The following SLC35D1 variants were observed in gnomAD, a reference collection of about 807,000 sequenced individuals.
SLC35D1 encodes solute carrier family 35 member D1.
In SLC35D1, 31 loss-of-function variants were observed where a neutral mutation model predicts 46.7. The observed-to-expected ratio is 0.66, with a 90% CI of 0.50 to 0.90. SLC35D1 has a LOEUF of 0.90. SLC35D1 is among the 40% of genes least tolerant of loss of function. The pLI, the probability that SLC35D1 is intolerant of heterozygous loss-of-function variation, is 0.00. For synonymous variants in SLC35D1, 195 were observed against 164.6 expected (o/e 1.18, Z -1.41); for missense variants, 397 against 426.2 (o/e 0.93, Z 0.60).
chr1:67,004,324 T>G lies in SLC35D1; in HGVS notation c.*16A>C. The G allele has an allele frequency of 6.2e-7, 1 of 1,606,866 alleles. No individual in the cohort carries two copies. Among genetic ancestry groups the G allele is most frequent in the East Asian group, 2.2e-5 (1 of 44,830 alleles). Reference sequence around the variant, plus strand: ...TAAAAACTTAGGCCTACGTATCAGATGAAGCAATCCTCTGGTCACACTGCT... The same window carrying G: ...TAAAAACTTAGGCCTACGTATCAGAGGAAGCAATCCTCTGGTCACACTGCT... On this transcript the variant is annotated 3_prime_UTR_variant, in exon 12 of 12. Coordinates refer to ENST00000235345, the MANE Select transcript of SLC35D1 (RefSeq NM_015139.3).
At chr1:67,036,536 C>A (rs1668126473) in intron 8 of SLC35D1, among the ~76,000 whole-genome samples, 1 of 151,986 alleles carries the variant, frequency 6.6e-6, no homozygotes, top group African/African-American at 2.4e-5. Flanking sequence ...TAGTGACCTT[C>A]TTTGTGTCTT....
intron 9 of SLC35D1, among the ~76,000 whole-genome samples, chr1:67,020,824 G>C (rs1667782421): frequency 6.6e-6 from 1 of 152,148 alleles, no homozygotes; most frequent in Non-Finnish European, 1.5e-5. Flanking sequence ...CTCTGGGCCA[G>C]ACGAAGACAA....
At chr1:67,016,456 A>T (rs896808944) in intron 10 of SLC35D1, among the ~76,000 whole-genome samples, 1 of 152,084 alleles carries the variant, frequency 6.6e-6, no homozygotes, top group African/African-American at 2.4e-5. Flanking sequence ...ACTAGGTAAA[A>T]ACTTTCAGTA....
rs1383566867 is a variant in SLC35D1, at chr1:67,001,777, C to G, written c.*2563G>C. The G allele has an allele frequency of 6.6e-6, 1 of 152,474 alleles. No individual in the cohort carries two copies. Among genetic ancestry groups the G allele is most frequent in the African/African-American group, 2.4e-5 (1 of 41,460 alleles). 9.4% of individuals were successfully genotyped at this position (152,474 alleles called of 1,614,324 possible). A position where few individuals can be genotyped will look rare whatever the true frequency, so the allele number is the denominator to read the frequency against. ...ACTATTCAGTCTCCAGCTTGTTCAC[C>G]CTGCTCCATCTTGCAATGCTGGTTA... is the stretch of plus-strand genomic sequence containing the variant. On this transcript the variant is annotated 3_prime_UTR_variant, in exon 12 of 12. Transcript: ENST00000235345.
At chr1:67,017,942 TTAATATA>T (rs1667720140) in intron 10 of SLC35D1, among the ~76,000 whole-genome samples, 1 of 152,186 alleles carries the variant, frequency 6.6e-6, no homozygotes, top group Non-Finnish European at 1.5e-5. Context: ...CAAATGGCTT[TTAATATA>T]TAAAACTTTA....
At chr1:66,985,519 TA>T in the SLC35D1 span, 3 of 984,584 alleles carry the variant, frequency 3.0e-6, no homozygotes, top group Admixed American at 1.2e-4. Context: ...TGTCTTTCCA[TA>T]TTCTTATCTG....
chr1:67,021,524 C>T lies in SLC35D1; in HGVS notation c.797+11G>A. On this transcript the variant is annotated intron_variant, in intron 9 of 11. Transcript: ENST00000235345. ...GGAAAACTATCTGCTAACAAGGTAA[C>T]AAAGGCTTACCCCATCACACAGGAG... 6.2e-7 allele frequency: 1 copy of T among 1,613,844 alleles called. No individual in the cohort carries two copies. Among genetic ancestry groups the T allele is most frequent in the Non-Finnish European group, 8.5e-7 (1 of 1,179,792 alleles).
At chr1:67,044,269 C>G (rs1645226191) in intron 7 of SLC35D1, among the ~76,000 whole-genome samples, 1 of 149,406 alleles carries the variant, frequency 6.7e-6, no homozygotes, top group Non-Finnish European at 1.5e-5. Flanking sequence ...CCAGGAGACA[C>G]AGGCTGCAGT....
At chr1:67,052,666 G>C in intron 3 of SLC35D1, 105 bp downstream of exon 3, 1 of 1,125,042 alleles carries the variant, frequency 8.9e-7, no homozygotes, top group Non-Finnish European at 1.3e-6. Context: ...CTCTAGACTG[G>C]GCAATTTTGA....
intron 8 of SLC35D1, among the ~76,000 whole-genome samples, chr1:67,035,609 G>A (rs1558161407): frequency 6.6e-6 from 1 of 151,114 alleles, no homozygotes. Flanking sequence ...CTAAAGGTTT[G>A]TCAATTTTTT....
chr1:67,051,699 T>C (rs1470603159), intron 4 of SLC35D1, among the ~76,000 whole-genome samples: 6 of 152,214 alleles, frequency 3.9e-5, no homozygotes, highest in African/African-American at 1.2e-4. Context: ...CTAGTATATA[T>C]CTTCACTATT....
intron 5 of SLC35D1, 140 bp downstream of exon 5, chr1:67,050,293 A>G (rs1456268512): frequency 6.0e-6 from 4 of 663,224 alleles, no homozygotes; most frequent in Non-Finnish European, 5.3e-6. Context: ...CAAACTATCA[A>G]TTCCAGCAGC....
intron 8 of SLC35D1, among the ~76,000 whole-genome samples, chr1:67,026,691 A>G (rs946635707): frequency 3.3e-5 from 5 of 152,202 alleles, no homozygotes; most frequent in Non-Finnish European, 5.9e-5. Context: ...TCAATTAAAC[A>G]GACCTATTTA....
chr1:66,976,266 TGCTGGGATTACAG>T, the SLC35D1 span, among the ~76,000 whole-genome samples: 1 of 152,142 alleles, frequency 6.6e-6, no homozygotes, highest in Non-Finnish European at 1.5e-5. Context: ...CCTCCCAAAG[TGCTGGGATTACAG>T]GCGTGAGCCA....
the SLC35D1 span, chr1:66,985,762 T>C: frequency 2.1e-6 from 2 of 958,190 alleles, no homozygotes; most frequent in East Asian, 1.1e-4. Flanking sequence ...TGTGTAGTAA[T>C]TAAGTCATAT....
At chr1:67,024,772 C>T (rs988350990) in intron 8 of SLC35D1, among the ~76,000 whole-genome samples, 2 of 151,954 alleles carry the variant, frequency 1.3e-5, no homozygotes, top group African/African-American at 4.8e-5. Flanking sequence ...TAAGCAAGGT[C>T]TTGCTTTGTC....
intron 8 of SLC35D1, among the ~76,000 whole-genome samples, chr1:67,023,838 A>T (rs1667862235): frequency 1.3e-5 from 2 of 151,998 alleles, no homozygotes; most frequent in Non-Finnish European, 2.9e-5. Flanking sequence ...GAGCTGCACG[A>T]GTTTTTAAAA....
intron 7 of SLC35D1, among the ~76,000 whole-genome samples, chr1:67,044,906 C>A (rs567852437): frequency 6.6e-6 from 1 of 152,086 alleles, no homozygotes; most frequent in Non-Finnish European, 1.5e-5. Context: ...AAGAAAACTC[C>A]GGATGTATTA....
intron 8 of SLC35D1, among the ~76,000 whole-genome samples, chr1:67,038,881 C>G (rs1668180198): frequency 6.7e-6 from 1 of 150,126 alleles, no homozygotes; most frequent in South Asian, 2.1e-4. Flanking sequence ...TTTGGTTTCT[C>G]AAAATGCTTT....
Sources: gnomAD v4.1 joint callset for allele counts (sites outside exome capture counted in the v4.1 genomes callset) on GRCh38, gnomAD v4.1.1 for gene constraint, MANE v1.5 for transcripts, NCBI Gene and HGNC (gene_info 2026-07-23, HGNC 2026-07-21) for gene names.